MINDY4B: variants seen among roughly 807,000 people sequenced by gnomAD.
The protein encoded by MINDY4B is MINDY family member 4B, also known as inactive ubiquitin carboxyl-terminal hydrolase MINDY-4B.
MINDY4B carries 25 observed loss-of-function variants against 16.7 expected under a neutral mutation model. That is an observed-to-expected ratio of 1.49 (90% CI 1.09 to 2.09). The LOEUF is 2.09. MINDY4B is among the 30% of genes most tolerant of loss of function. The pLI is 0.00. For synonymous variants in MINDY4B, 132 were observed against 61.9 expected (o/e 2.13, Z -5.32); for missense variants, 327 against 168.4 (o/e 1.94, Z -5.21).
intron 10 of MINDY4B, among the ~76,000 whole-genome samples, chr3:150,876,127 T>C (rs1711496695): frequency 6.6e-6 from 1 of 152,220 alleles, no homozygotes; most frequent in Admixed American, 6.5e-5. Context: ...AGTGGTGCTA[T>C]AAATAAAATA....
intron 3 of MINDY4B, among the ~76,000 whole-genome samples, chr3:150,899,416 G>C (rs2107910693): frequency 6.6e-6 from 1 of 152,328 alleles, no homozygotes; most frequent in Non-Finnish European, 1.5e-5. Context: ...GGCTAATGCA[G>C]TGTCCCAGCA....
chr3:150,883,705 T>C lies in MINDY4B; in HGVS notation c.892A>G (p.Arg298Gly), dbSNP rs1429125976. Reference sequence around the variant, plus strand: ...GGCAGAGTCTTCCAGCTCACCTGCCTGCACAGAAAGCCTCCAGCATTTGGT... The same window carrying C: ...GGCAGAGTCTTCCAGCTCACCTGCCCGCACAGAAAGCCTCCAGCATTTGGT... Reference protein sequence around the residue: ...LQPNAGGFLCRQAVLNMILTG... With the variant: ...LQPNAGGFLCGQAVLNMILTG... Residue 298 changes from arginine (R) to glycine (G), a missense_variant, in exon 9 of 12, where the codon AGG becomes GGG. By Grantham distance (125) the Arg-to-Gly change is moderately radical. Transcript: ENST00000465419. 6 of 702,718 alleles carry C rather than the reference T, an allele frequency of 8.5e-6. No individual in the cohort carries two copies. Among genetic ancestry groups the C allele is most frequent in the Non-Finnish European group, 1.3e-5 (5 of 384,844 alleles). 43.5% of individuals were successfully genotyped at this position (702,718 alleles called of 1,614,324 possible).
At chr3:150,885,643 T>C (rs1272887216) in intron 7 of MINDY4B, among the ~76,000 whole-genome samples, 1 of 152,178 alleles carries the variant, frequency 6.6e-6, no homozygotes, top group African/African-American at 2.4e-5. Context: ...GTGCTGTCAT[T>C]CTCTTGGCCC....
At chr3:150,904,276 C>T (rs950967217) in intron 2 of MINDY4B, among the ~76,000 whole-genome samples, 39 of 152,014 alleles carry the variant, frequency 2.6e-4, no homozygotes, top group Admixed American at 2.2e-3. Context: ...AATGTTCTAT[C>T]CCCCCAAATG....
At chr3:150,881,921 G>A (rs1261426020) in intron 10 of MINDY4B, among the ~76,000 whole-genome samples, 20 of 152,180 alleles carry the variant, frequency 1.3e-4, no homozygotes, top group Admixed American at 1.3e-3. Flanking sequence ...AGTAGCTGGA[G>A]ACAATAGTAG....
Position 150,905,085 on chromosome 3 carries a change from C to T in MINDY4B, c.118G>A (p.Gly40Arg). The change falls in exon 2 of 12, where the codon GGA becomes AGA. Residue 40 changes from glycine to arginine, a missense_variant. By Grantham distance (125) the Gly-to-Arg change is moderately radical. Transcript: ENST00000465419. Reference sequence around the variant, plus strand: ...ACCTGAGGAGTTGAATTATTGGTTCCCAACCTTTAAATGAAAGAGAAAACA... The same window carrying T: ...ACCTGAGGAGTTGAATTATTGGTTCTCAACCTTTAAATGAAAGAGAAAACA... The part of the protein sequence containing the change: ...WREIFSYHRL[G>R]TNNSTPQNHE... The T allele has an allele frequency of 2.5e-6, 1 of 398,462 alleles. No homozygotes were observed. The highest frequency in any genetic ancestry group is 3.6e-5 in the East Asian group (1 of 28,062). 24.7% of individuals were successfully genotyped at this position (398,462 alleles called of 1,614,324 possible). A position where few individuals can be genotyped will look rare whatever the true frequency, so the allele number is the denominator to read the frequency against.
chr3:150,890,424 A>G, intron 6 of MINDY4B, 39 bp from the exon 7 acceptor site: 1 of 585,904 alleles, frequency 1.7e-6, no homozygotes, highest in South Asian at 2.1e-5. Context: ...GAAAAGGAAG[A>G]TGAAAGTTAC....
Position 150,882,969 on chromosome 3 carries a change from T to G in MINDY4B, c.987A>C (p.Gly329=). The change falls in exon 10 of 12, where the codon GGA becomes GGC. Residue 329 remains glycine (G), a synonymous_variant. Transcript: ENST00000465419. The part of the protein sequence containing the change: ...EEGKSQETLH[G]VLTRSDVGYL... ...AGCCAACATCACTGCGGGTCAGGAC[T>G]CCATGTAGTGTTTCCTGAGACTTTC... 1 of 702,880 alleles carries G rather than the reference T, an allele frequency of 1.4e-6. No individual in the cohort carries two copies. 43.5% of individuals were successfully genotyped at this position (702,880 alleles called of 1,614,324 possible).
Position 150,894,207 on chromosome 3 carries a change from A to G in MINDY4B, c.408T>C (p.Ala136=). 1 of 699,602 alleles carries G rather than the reference A, an allele frequency of 1.4e-6. No individual in the cohort carries two copies. Among genetic ancestry groups the G allele is most frequent in the Non-Finnish European group, 2.6e-6 (1 of 384,024 alleles). The allele number at this position is 699,602 out of a possible 1,614,324, so 43.3% of individuals were successfully genotyped here. Residue 136 remains alanine, a synonymous_variant, in exon 4 of 12, where the codon GCT becomes GCC. Transcript: ENST00000465419. ...TTACCTTTCCCACTTCCAGAGTGAA[A>G]GCTAGTTCAGAAGAAGGATCATGGA... ...FRFHDPSSEL[A]FTLEVGKGGA...
chr3:150,898,179 C>T (rs1325770357), intron 3 of MINDY4B, among the ~76,000 whole-genome samples: 1 of 152,194 alleles, frequency 6.6e-6, no homozygotes, highest in Admixed American at 6.5e-5. Context: ...TTTGTGAAAA[C>T]ACAGCCTGTC....
Position 150,902,681 on chromosome 3 carries a change from A to G in MINDY4B, c.309+568T>C, listed in dbSNP as rs537104075. 2.0e-5 allele frequency among the ~76,000 whole-genome samples: 3 copies of G among 152,288 alleles called. No individual in the cohort carries two copies. The South Asian group carries it at 6.2e-4, about 32-fold the overall frequency. On this transcript the variant is annotated intron_variant, in intron 3 of 11. Coordinates refer to ENST00000465419, the MANE Select transcript of MINDY4B (RefSeq NM_001351281.2). Reference sequence around the variant, plus strand: ...TTGCCCCCACCCTGGTGAAGTCTTGAATTGAGCAAATGGTCCCCGGGACCA... The same window carrying G: ...TTGCCCCCACCCTGGTGAAGTCTTGGATTGAGCAAATGGTCCCCGGGACCA...
At chr3:150,878,486 T>C (rs946284233) in intron 10 of MINDY4B, among the ~76,000 whole-genome samples, 7 of 152,196 alleles carry the variant, frequency 4.6e-5, no homozygotes, top group Non-Finnish European at 5.9e-5. Flanking sequence ...ATCCTCAGGG[T>C]TTCAAGCCAT....
chr3:150,886,346 G>A (rs519103), intron 7 of MINDY4B, among the ~76,000 whole-genome samples: 79,909 of 152,004 alleles, frequency 0.53, 21,495 homozygotes, highest in South Asian at 0.62. Flanking sequence ...TAATGTATCC[G>A]TTTTGCTATG....
chr3:150,896,787 G>A (rs1449446133), intron 3 of MINDY4B, among the ~76,000 whole-genome samples: 7 of 152,288 alleles, frequency 4.6e-5, no homozygotes, highest in Middle Eastern at 3.4e-3. Flanking sequence ...AGGTGGCAGG[G>A]GGGTGAAATC....
chr3:150,878,897 C>T (rs1242038185), intron 10 of MINDY4B, among the ~76,000 whole-genome samples: 1 of 152,168 alleles, frequency 6.6e-6, no homozygotes, highest in Non-Finnish European at 1.5e-5. Context: ...TTCTATTGGT[C>T]TGAGCAGACT....
At chr3:150,904,410 C>T (rs1050741702) in intron 2 of MINDY4B, among the ~76,000 whole-genome samples, 38 of 152,186 alleles carry the variant, frequency 2.5e-4, no homozygotes, top group African/African-American at 7.0e-4. Context: ...CTACTTGGGG[C>T]GAGAAGCTTT....
rs113113166 is a variant in MINDY4B, at chr3:150,889,785, T to C, written c.753+535A>G. On this transcript the variant is annotated intron_variant, in intron 7 of 11. Coordinates refer to ENST00000465419, the MANE Select transcript of MINDY4B (RefSeq NM_001351281.2). ...TTTCTACACAGAAGAGTCTTAAAAA[T>C]GTCTTCCATTTTCTACCATCACTGC... 6.6e-3 allele frequency among the ~76,000 whole-genome samples: 1,005 copies of C among 152,324 alleles called. 10 individuals are homozygous for C. The highest frequency in any genetic ancestry group is 0.023 in the African/African-American group (940 of 41,562).
chr3:150,898,618 A>G (rs2107910200), intron 3 of MINDY4B, among the ~76,000 whole-genome samples: 1 of 152,350 alleles, frequency 6.6e-6, no homozygotes, highest in Middle Eastern at 3.4e-3. Flanking sequence ...CAGATGGTAA[A>G]TGGTCCTCAT....
chr3:150,888,488 C>G (rs73019290), intron 7 of MINDY4B, among the ~76,000 whole-genome samples: 6,243 of 152,196 alleles, frequency 0.041, 447 homozygotes, highest in African/African-American at 0.14. Flanking sequence ...GCCCTCAGAC[C>G]TCCATCTTGA....
Sources: gnomAD v4.1 joint callset for allele counts (sites outside exome capture counted in the v4.1 genomes callset) on GRCh38, gnomAD v4.1.1 for gene constraint, MANE v1.5 for transcripts, NCBI Gene and HGNC (gene_info 2026-07-23, HGNC 2026-07-21) for gene names.